Variants in KDM4C observed in about 807,000 individuals in gnomAD.
KDM4C encodes the protein lysine demethylase 4C, also known as lysine-specific demethylase 4C.
KDM4C carries 81 observed loss-of-function variants against 129.3 expected under a neutral mutation model. The observed-to-expected ratio is 0.63, with a 90% CI of 0.52 to 0.75. The LOEUF is 0.75. Ranked by LOEUF, KDM4C falls within the 30% of genes least tolerant of loss-of-function variation. The pLI is 0.00. For synonymous variants in KDM4C, 573 were observed against 456.1 expected, an observed-to-expected ratio of 1.26 and a Z score of -3.26; for missense variants, 1,457 against 1,304.0, an observed-to-expected ratio of 1.12 and a Z score of -1.81.
chr9:6,795,324 A>AT (rs1206145965), intron 2 of KDM4C, among the ~76,000 whole-genome samples: 2 of 151,888 alleles, frequency 1.3e-5, no homozygotes, highest in Non-Finnish European at 2.9e-5. Context: ...GTATATATAT[A>AT]TATTTTTTGT....
At chr9:6,784,582 C>G (rs1273175695) in intron 1 of KDM4C, among the ~76,000 whole-genome samples, 6 of 152,190 alleles carry the variant, frequency 3.9e-5, no homozygotes, top group Non-Finnish European at 7.3e-5. Context: ...TCCTTTTGGT[C>G]TAGGATCCAA....
chr9:6,975,048 T>A (rs1197200300), intron 8 of KDM4C: 1 of 152,252 alleles, frequency 6.6e-6, no homozygotes, highest in Admixed American at 6.5e-5. Flanking sequence ...AGTTTTTCTT[T>A]GTCTATTTGA....
intron 8 of KDM4C, among the ~76,000 whole-genome samples, chr9:6,914,929 T>A (rs2131125891): frequency 6.6e-6 from 1 of 152,360 alleles, no homozygotes; most frequent in African/African-American, 2.4e-5. Flanking sequence ...GTAATTTGCT[T>A]TGTTAAAGCT....
intron 8 of KDM4C, among the ~76,000 whole-genome samples, chr9:6,902,306 A>G (rs1218501176): frequency 6.6e-6 from 1 of 152,140 alleles, no homozygotes; most frequent in African/African-American, 2.4e-5. Flanking sequence ...AAGGGGAGGA[A>G]GGGAGAGTGT....
chr9:6,973,363 A>G (rs1832334110), intron 8 of KDM4C, among the ~76,000 whole-genome samples: 1 of 152,188 alleles, frequency 6.6e-6, no homozygotes, highest in East Asian at 1.9e-4. Flanking sequence ...TATTGTTAAC[A>G]TTAGAAAATC....
rs559851172 is a variant in KDM4C, at chr9:6,758,004, C to G, written c.-217C>G. 1.0e-6 allele frequency: 1 copy of G among 985,414 alleles called. No homozygotes were observed. Among genetic ancestry groups the G allele is most frequent in the South Asian group, 4.7e-5 (1 of 21,288 alleles). The allele number at this position is 985,414 out of a possible 1,614,324, so 61.0% of individuals were successfully genotyped here. ...GGCGGTGCGCGCGCCTTCGCCGCTG[C>G]CTCCCACCCACCCCCTCGACGGGAG... On this transcript the variant is annotated 5_prime_UTR_variant, in exon 1 of 22. Coordinates refer to ENST00000381309, the MANE Select transcript of KDM4C (RefSeq NM_015061.6). This position sits in a 1 kb window ranked among gnomAD's most constrained non-coding sequence, Gnocchi z 4.6.
intron 4 of KDM4C, among the ~76,000 whole-genome samples, chr9:6,846,791 A>G (rs1018616605): frequency 6.6e-6 from 1 of 152,154 alleles, no homozygotes; most frequent in Non-Finnish European, 1.5e-5. Context: ...AAGATTTGCT[A>G]GAGAATAGTG....
At chr9:7,006,852 C>G (rs891042572) in intron 12 of KDM4C, among the ~76,000 whole-genome samples, 1 of 152,078 alleles carries the variant, frequency 6.6e-6, no homozygotes, top group African/African-American at 2.4e-5. Flanking sequence ...TTTAATACTA[C>G]TATAAAAAAA....
intron 4 of KDM4C, among the ~76,000 whole-genome samples, chr9:6,816,439 C>T (rs1477033309): frequency 1.3e-5 from 2 of 152,170 alleles, no homozygotes; most frequent in African/African-American, 2.4e-5. Context: ...GATCTTCTGA[C>T]TTGAAGGTAA....
chr9:7,105,263 C>T (rs902321273), intron 18 of KDM4C: 1 of 324,946 alleles, frequency 3.1e-6, no homozygotes, highest in Non-Finnish European at 6.3e-6. Context: ...AGGTCGTGAC[C>T]TCTGAAGTCA....
intron 19 of KDM4C, among the ~76,000 whole-genome samples, chr9:7,146,059 G>A (rs1039230526): frequency 2.6e-4 from 40 of 152,148 alleles, no homozygotes; most frequent in African/African-American, 9.4e-4. Flanking sequence ...CCAGGAGGAA[G>A]GTTAAATGAA....
chr9:6,961,004 G>A (rs1486151805), intron 8 of KDM4C, among the ~76,000 whole-genome samples: 1 of 152,182 alleles, frequency 6.6e-6, no homozygotes, highest in Non-Finnish European at 1.5e-5. Context: ...CAGTGATGGA[G>A]AACAGCAAGA....
intron 1 of KDM4C, among the ~76,000 whole-genome samples, chr9:6,784,862 G>C (rs539401975): frequency 3.9e-5 from 6 of 152,338 alleles, no homozygotes; most frequent in Admixed American, 3.9e-4. Context: ...TAACTGGGTA[G>C]ATGTGCTAAC....
At chr9:7,146,998 G>A (rs1183586237) in intron 19 of KDM4C, among the ~76,000 whole-genome samples, 1 of 152,124 alleles carries the variant, frequency 6.6e-6, no homozygotes, top group Non-Finnish European at 1.5e-5. Flanking sequence ...CCTGTTGATG[G>A]GAATTAAATC....
chr9:7,110,683 G>T (rs534144084), intron 18 of KDM4C, among the ~76,000 whole-genome samples: 4 of 152,176 alleles, frequency 2.6e-5, no homozygotes, highest in Non-Finnish European at 5.9e-5. Context: ...AAAGTTTACA[G>T]TTCCTTTGAA....
chr9:7,087,851 T>C (rs190374804), intron 17 of KDM4C, among the ~76,000 whole-genome samples: 87 of 152,352 alleles, frequency 5.7e-4, no homozygotes, highest in African/African-American at 1.4e-3. Flanking sequence ...TTTAAACTTA[T>C]GATGAGAAAT....
chr9:7,114,745 T>G (rs760667947), intron 18 of KDM4C, among the ~76,000 whole-genome samples: 32 of 152,014 alleles, frequency 2.1e-4, no homozygotes, highest in Non-Finnish European at 3.8e-4. Context: ...CACCACAGAG[T>G]GCACCGTGGA....
At position 6,728,153 on chromosome 9, in the gene KDM4C, G is replaced by A. The variant is rs538333424; in HGVS notation, c.49+7156G>A. ...GGAACCATCCCAATCAGGGACAGCTGCAAAGAAAAAGTGTTAGTGGGATAC... is the reference window on the plus strand; with the variant it reads ...GGAACCATCCCAATCAGGGACAGCTACAAAGAAAAAGTGTTAGTGGGATAC... On this transcript the variant is annotated intron_variant, in intron 1 of 17. Coordinates refer to the KDM4C transcript ENST00000536108. 3.3e-5 allele frequency among the ~76,000 whole-genome samples: 5 copies of A among 150,926 alleles called. No homozygotes were observed. In the South Asian group the frequency reaches 1.0e-3, roughly 32 times the overall value.
At chr9:6,954,026 C>T (rs1828633469) in intron 8 of KDM4C, among the ~76,000 whole-genome samples, 1 of 152,194 alleles carries the variant, frequency 6.6e-6, no homozygotes, top group African/African-American at 2.4e-5. Flanking sequence ...AAACCTTGCG[C>T]ATAGGACTTC....
Sources: gnomAD v4.1 joint callset for allele counts (sites outside exome capture counted in the v4.1 genomes callset) on GRCh38, gnomAD v4.1.1 for gene constraint, Gnocchi (gnomAD v3.1) non-coding constraint, MANE v1.5 for transcripts, NCBI Gene and HGNC (gene_info 2026-07-23, HGNC 2026-07-21) for gene names.